The following BCKDHB variants were observed in gnomAD, a reference collection of about 807,000 sequenced individuals.
BCKDHB encodes the protein branched chain keto acid dehydrogenase E1 subunit beta.
In BCKDHB, 41 loss-of-function variants were observed where a neutral mutation model predicts 48.5. The ratio of observed to expected loss-of-function variants is 0.85; its 90% confidence interval spans 0.66 to 1.10. The LOEUF is 1.10. Ranked by LOEUF, BCKDHB falls within the 50% of genes least tolerant of loss-of-function variation. The probability of loss-of-function intolerance (pLI) is 0.00; values close to 1 mark genes in which losing one functional copy is unlikely to be tolerated. For synonymous variants in BCKDHB, 201 were observed against 174.8 expected, an observed-to-expected ratio of 1.15 and a Z score of -1.18; for missense variants, 496 against 494.2, an observed-to-expected ratio of 1.00 and a Z score of -0.03.
intron 8 of BCKDHB, among the ~76,000 whole-genome samples, chr6:80,240,398 GA>G (rs1439183634): frequency 6.6e-6 from 1 of 152,046 alleles, no homozygotes; most frequent in Non-Finnish European, 1.5e-5. Context: ...TTGTAAGTTG[GA>G]TTCCTAGGTA....
intron 9 of BCKDHB, among the ~76,000 whole-genome samples, chr6:80,338,635 C>G (rs1769723828): frequency 6.6e-6 from 1 of 152,140 alleles, no homozygotes; most frequent in Non-Finnish European, 1.5e-5. Context: ...TCAGGTTTGA[C>G]CGTTCTGTGT....
rs540075464 is a variant in BCKDHB at position 80,236,153 on chromosome 6, GACTGTGAATTATTGCCTCTTCTCTTTA to G, written c.951+32945_951+32971del. Among the ~76,000 whole-genome samples the G allele has an allele frequency of 1.1e-3, 154 of 135,236 alleles. 1 individual carries two copies. Among genetic ancestry groups the G allele is most frequent in the African/African-American group, 4.0e-3 (147 of 36,530 alleles). The allele number at this position is 135,236 out of a possible 152,430, so 88.7% of individuals were successfully genotyped here. On this transcript the variant is annotated intron_variant, in intron 8 of 9. Transcript: ENST00000320393. The stretch of plus-strand genomic sequence containing the variant: ...GCTGTTATTCTTTAATAAAATATCA[GACTGTGAATTATTGCCTCTTCTCTTTA>G]ACTTTGTGTTGCTGTGTTCCCAAAG...
chr6:80,422,023 A>G, the BCKDHB span, among the ~76,000 whole-genome samples: 1 of 152,226 alleles, frequency 6.6e-6, no homozygotes, highest in African/African-American at 2.4e-5. Context: ...AAATGTCTCC[A>G]GAGCATGCCA....
chr6:80,414,644 G>A, the BCKDHB span, among the ~76,000 whole-genome samples: 1 of 152,114 alleles, frequency 6.6e-6, no homozygotes, highest in African/African-American at 2.4e-5. Flanking sequence ...CCAGCACCAC[G>A]TTGTTTTATT....
At chr6:80,289,642 G>A (rs2127982924) in intron 9 of BCKDHB, among the ~76,000 whole-genome samples, 1 of 152,248 alleles carries the variant, frequency 6.6e-6, no homozygotes, top group African/African-American at 2.4e-5. Context: ...GGAAAGGGGT[G>A]AATGAGGAAC....
At chr6:80,324,983 T>A (rs894031773) in intron 9 of BCKDHB, among the ~76,000 whole-genome samples, 1 of 152,204 alleles carries the variant, frequency 6.6e-6, no homozygotes, top group South Asian at 2.1e-4. Flanking sequence ...CTACCCACTA[T>A]ATATGTAAAA....
At chr6:80,218,749 C>T (rs1404258085) in intron 8 of BCKDHB, among the ~76,000 whole-genome samples, 2 of 152,116 alleles carry the variant, frequency 1.3e-5, no homozygotes, top group African/African-American at 4.8e-5. Context: ...ACTGTTCTTT[C>T]CTCCCTTCCA....
At chr6:80,419,921 T>A in the BCKDHB span, among the ~76,000 whole-genome samples, 2 of 152,228 alleles carry the variant, frequency 1.3e-5, no homozygotes, top group Admixed American at 6.5e-5. Flanking sequence ...TGATTAAGTC[T>A]TCTATCAAAG....
intron 9 of BCKDHB, among the ~76,000 whole-genome samples, chr6:80,306,719 A>C (rs79850483): frequency 0.014 from 2,084 of 152,328 alleles, 35 homozygotes; most frequent in African/African-American, 0.048. Context: ...GCATACTGTC[A>C]CATGGAGATA....
chr6:80,169,783 T>G, intron 5 of BCKDHB: 1 of 1,590,134 alleles, frequency 6.3e-7, no homozygotes, highest in Non-Finnish European at 8.6e-7. Context: ...TGTTTTATTC[T>G]TTTTTTCTTA....
At chr6:80,364,968 A>T in the BCKDHB span, among the ~76,000 whole-genome samples, 30 of 152,328 alleles carry the variant, frequency 2.0e-4, no homozygotes, top group African/African-American at 6.5e-4. Flanking sequence ...TACACCCGTG[A>T]TGCCCGCCTG....
intron 9 of BCKDHB, among the ~76,000 whole-genome samples, chr6:80,292,080 C>T (rs1256721840): frequency 2.6e-5 from 4 of 152,090 alleles, no homozygotes; most frequent in African/African-American, 7.2e-5. Context: ...GGCTCCTGGG[C>T]CTGTCATACA....
intron 9 of BCKDHB, among the ~76,000 whole-genome samples, chr6:80,275,886 G>A (rs1046415893): frequency 1.3e-5 from 2 of 151,884 alleles, no homozygotes; most frequent in African/African-American, 2.4e-5. Context: ...ACCTAAGTTT[G>A]AGGTACAACT....
At chr6:80,354,570 T>A in the BCKDHB span, among the ~76,000 whole-genome samples, 3 of 152,180 alleles carry the variant, frequency 2.0e-5, no homozygotes, top group African/African-American at 4.8e-5. Context: ...GAGGTCTTAG[T>A]CATAAATAAT....
At chr6:80,394,366 T>G in the BCKDHB span, among the ~76,000 whole-genome samples, 1 of 152,172 alleles carries the variant, frequency 6.6e-6, no homozygotes, top group African/African-American at 2.4e-5. Context: ...TGAATATATC[T>G]ATTAAAATAG....
intron 8 of BCKDHB, among the ~76,000 whole-genome samples, chr6:80,246,564 T>G (rs636499): frequency 0.91 from 138,550 of 152,154 alleles, 63,156 homozygotes; most frequent in East Asian, 0.99. Flanking sequence ...AATGTTTTTT[T>G]ATCTCACTGA....
At chr6:80,151,284 A>G (rs1395421953) in intron 3 of BCKDHB, among the ~76,000 whole-genome samples, 1 of 152,190 alleles carries the variant, frequency 6.6e-6, no homozygotes, top group Admixed American at 6.6e-5. Flanking sequence ...AGTGATGTGT[A>G]AGATTTGTTT....
chr6:80,259,737 G>C (rs1440290341), intron 8 of BCKDHB, among the ~76,000 whole-genome samples: 6 of 152,194 alleles, frequency 3.9e-5, no homozygotes. Flanking sequence ...ATACTGTAAA[G>C]TAGATTCAAA....
At chr6:80,170,547 C>T (rs1044627347) in intron 5 of BCKDHB, among the ~76,000 whole-genome samples, 6 of 152,152 alleles carry the variant, frequency 3.9e-5, no homozygotes, top group African/African-American at 4.8e-5. Flanking sequence ...ACCTCAGTGT[C>T]TATTTCTAAA....
Sources: allele counts gnomAD v4.1 joint callset (sites outside exome capture counted in the v4.1 genomes callset), GRCh38; gene constraint gnomAD v4.1.1; transcripts MANE v1.5; gene names NCBI Gene and HGNC (gene_info 2026-07-23, HGNC 2026-07-21).